The following POLN variants were observed in gnomAD, a reference collection of about 807,000 sequenced individuals.
The protein encoded by POLN is DNA polymerase N.
POLN carries 108 observed loss-of-function variants against 113.5 expected under a neutral mutation model. The observed-to-expected ratio is 0.95, with a 90% CI of 0.81 to 1.12. POLN has a LOEUF of 1.12. POLN is among the 50% of genes most tolerant of loss of function. POLN has a pLI of 0.00. For missense variants in POLN, 1,097 were observed against 1,077.1 expected (o/e 1.02, Z -0.26); for synonymous variants, 386 against 391.5 (o/e 0.99, Z 0.17).
intron 19 of POLN, among the ~76,000 whole-genome samples, chr4:2,107,555 T>G (rs1577696678): frequency 1.4e-5 from 2 of 147,860 alleles, no homozygotes; most frequent in Admixed American, 6.8e-5. Context: ...GGTTGGGGAG[T>G]GGGGGACCAG....
At chr4:2,165,857 G>A (rs982943612) in intron 13 of POLN, among the ~76,000 whole-genome samples, 6 of 151,940 alleles carry the variant, frequency 3.9e-5, no homozygotes, top group Non-Finnish European at 5.9e-5. Context: ...GCTCAGTGCA[G>A]CCTTGAACTA....
In POLN at chr4:2,176,345, G is replaced by C. The variant is rs1404691880; in HGVS notation, c.1180-11C>G. The C allele has an allele frequency of 1.3e-6, 2 of 1,573,498 alleles. No individual in the cohort carries two copies. Among genetic ancestry groups the C allele is most frequent in the Non-Finnish European group, 8.6e-7 (1 of 1,160,310 alleles). On this transcript the variant is annotated splice_polypyrimidine_tract_variant and intron_variant, in intron 8 of 25. Coordinates refer to ENST00000511885, the MANE Select transcript of POLN (RefSeq NM_181808.4). ...ACGTACATTCTGATTCTTTAAAAGA[G>C]CAAAAGTATTTTTAAAAATCAGATA...
rs1577688687 is a variant in POLN at position 2,095,745 on chromosome 4, C to T, written c.2065+106G>A. 3.0e-6 allele frequency: 3 copies of T among 1,004,722 alleles called. No homozygotes were observed. The East Asian group carries it at 7.1e-5, about 24-fold the overall frequency. 62.2% of individuals were successfully genotyped at this position (1,004,722 alleles called of 1,614,324 possible). On this transcript the variant is annotated intron_variant, in intron 20 of 25. Coordinates refer to ENST00000511885, the MANE Select transcript of POLN (RefSeq NM_181808.4). Reference sequence around the variant, plus strand: ...GTGTCATCAGAGCATAAACAACACCCAGGGACTCACAGACGATTTCTGAGG... The same window carrying T: ...GTGTCATCAGAGCATAAACAACACCTAGGGACTCACAGACGATTTCTGAGG...
At chr4:2,089,913 T>G (rs564594646) in intron 20 of POLN, 1 of 990,718 alleles carries the variant, frequency 1.0e-6, no homozygotes, top group African/African-American at 1.6e-5. Context: ...CACAGGAATC[T>G]CTTGACATAT....
At chr4:2,163,563 G>A (rs1561057702) in intron 13 of POLN, among the ~76,000 whole-genome samples, 1 of 152,186 alleles carries the variant, frequency 6.6e-6, no homozygotes, top group African/African-American at 2.4e-5. Flanking sequence ...CTCATTTCCC[G>A]CTGGTGCCTC....
chr4:2,241,456 C>T (rs747952293), intron 2 of POLN, 64 bp downstream of exon 2: 25 of 978,336 alleles, frequency 2.6e-5, no homozygotes, highest in Non-Finnish European at 3.0e-5. Flanking sequence ...TCTTCCCTGC[C>T]CTCCGTACGT....
At chr4:2,171,966 G>C (rs1732873200) in intron 11 of POLN, among the ~76,000 whole-genome samples, 1 of 152,118 alleles carries the variant, frequency 6.6e-6, no homozygotes, top group African/African-American at 2.4e-5. Flanking sequence ...GACAGAGGTA[G>C]AAAGTATAGG....
At chr4:2,079,573 G>A in intron 23 of POLN, 1 of 985,462 alleles carries the variant, frequency 1.0e-6, no homozygotes, top group Admixed American at 6.2e-5. Flanking sequence ...GGGCAGGAGA[G>A]GACTGAGAGT....
At chr4:2,204,112 A>T (rs1577769156) in intron 5 of POLN, among the ~76,000 whole-genome samples, 1 of 84,590 alleles carries the variant, frequency 1.2e-5, no homozygotes, top group Non-Finnish European at 2.1e-5. Context: ...TCTATCACAA[A>T]AAAAAAAAAA....
At chr4:2,197,051 G>A (rs1233051317) in intron 6 of POLN, among the ~76,000 whole-genome samples, 1 of 152,212 alleles carries the variant, frequency 6.6e-6, no homozygotes, top group Admixed American at 6.5e-5. Context: ...CCTCGAGGGC[G>A]AGGGCCTTCA....
At chr4:2,164,488 T>G (rs1577734227) in intron 13 of POLN, among the ~76,000 whole-genome samples, 4 of 102,958 alleles carry the variant, frequency 3.9e-5, no homozygotes, top group African/African-American at 8.2e-5. Flanking sequence ...GCAACAAGAG[T>G]GAAACTCTGT....
chr4:2,171,329 G>T, intron 11 of POLN, 148 bp from the exon 12 acceptor site: 1 of 587,774 alleles, frequency 1.7e-6, no homozygotes, highest in South Asian at 2.1e-5. Context: ...GAGGCAGGAG[G>T]ATCACTTGAG....
At chr4:2,230,741 G>A (rs1734552162) in intron 2 of POLN, 1 of 151,704 alleles carries the variant, frequency 6.6e-6, no homozygotes, top group Admixed American at 6.6e-5. Context: ...AACAGGTGAG[G>A]AATATTCTTA....
chr4:2,075,471 C>T lies in POLN; in HGVS notation c.2436G>A (p.Pro812=), dbSNP rs377189994. 4.7e-5 allele frequency: 76 copies of T among 1,613,560 alleles called. No individual in the cohort carries two copies. The Admixed American group carries it at 6.2e-4, about 13-fold the overall frequency. Residue 812 remains proline (P), a synonymous_variant, in exon 24 of 26, where the codon CCG becomes CCA. Transcript: ENST00000511885. The part of the protein sequence containing the change: ...HDELLFEVED[P]QIPECAALVR... ...GGCTACCTGCACACTCCGGGATCTG[C>T]GGATCTTCCACTTCAAACAGCAGCT...
intron 16 of POLN, among the ~76,000 whole-genome samples, chr4:2,146,045 CA>C (rs34674279): frequency 3.1e-4 from 46 of 150,574 alleles, no homozygotes; most frequent in African/African-American, 1.1e-3. Flanking sequence ...TTTAAAATAG[CA>C]AAAAAAAGAC....
At position 2,229,085 on chromosome 4, in the gene POLN, T is replaced by C; in HGVS notation, c.133+14A>G. On this transcript the variant is annotated intron_variant, in intron 3 of 25. Transcript: ENST00000511885. ...AAGTATCAAGAGAAAGAAAGGTTCA[T>C]AAAAATTACTTACTCTCTGTACTCT... 2 of 1,570,564 alleles carry C rather than the reference T, an allele frequency of 1.3e-6. No homozygotes were observed. Among genetic ancestry groups the C allele is most frequent in the Non-Finnish European group, 1.7e-6 (2 of 1,155,862 alleles).
chr4:2,096,680 G>A (rs1469561524), intron 19 of POLN, among the ~76,000 whole-genome samples: 22 of 129,960 alleles, frequency 1.7e-4, no homozygotes, highest in African/African-American at 6.7e-4. Context: ...TTCAGAAGCC[G>A]AGAGAAAGAG....
At chr4:2,144,837 T>C (rs990972330) in intron 16 of POLN, among the ~76,000 whole-genome samples, 1 of 152,198 alleles carries the variant, frequency 6.6e-6, no homozygotes, top group African/African-American at 2.4e-5. Context: ...GAGCCTACAG[T>C]AGAGGGAAGG....
At chr4:2,104,047 G>A (rs902463358) in intron 19 of POLN, among the ~76,000 whole-genome samples, 4 of 152,174 alleles carry the variant, frequency 2.6e-5, no homozygotes, top group Non-Finnish European at 4.4e-5. Flanking sequence ...CACTGGTAAA[G>A]CAATCACACA....
Sources: gnomAD v4.1 joint callset for allele counts (sites outside exome capture counted in the v4.1 genomes callset) on GRCh38, gnomAD v4.1.1 for gene constraint, MANE v1.5 for transcripts, NCBI Gene and HGNC (gene_info 2026-07-23, HGNC 2026-07-21) for gene names.